The following ADGRL2 variants were observed in gnomAD, a reference collection of about 807,000 sequenced individuals.
ADGRL2 encodes adhesion G protein-coupled receptor L2.
A neutral mutation model predicts 157.4 loss-of-function variants in ADGRL2; 44 were observed. The ratio of observed to expected loss-of-function variants is 0.28; its 90% CI spans 0.22 to 0.36. The LOEUF is 0.36. Among genes scored for constraint, ADGRL2 ranks in the 10% least tolerant of loss-of-function variants. ADGRL2 has a pLI of 1.00. For synonymous variants in ADGRL2, 585 were observed against 624.7 expected, an observed-to-expected ratio of 0.94 and a Z score of 0.95; for missense variants, 1,510 against 1,768.9, an observed-to-expected ratio of 0.85 and a Z score of 2.63.
intron 1 of ADGRL2, among the ~76,000 whole-genome samples, chr1:81,423,299 A>G (rs565096645): frequency 1.3e-5 from 2 of 152,370 alleles, no homozygotes; most frequent in East Asian, 3.9e-4. Flanking sequence ...TTCAGGTCAA[A>G]CTAAAGATAG....
intron 2 of ADGRL2, among the ~76,000 whole-genome samples, chr1:81,496,350 A>G (rs1277379626): frequency 6.6e-6 from 1 of 152,180 alleles, no homozygotes; most frequent in Non-Finnish European, 1.5e-5. Flanking sequence ...GTCAACTGCA[A>G]GTCGCTCTTT....
At chr1:81,903,111 G>C (rs1196957003) in intron 2 of ADGRL2, among the ~76,000 whole-genome samples, 1 of 152,134 alleles carries the variant, frequency 6.6e-6, no homozygotes, top group Non-Finnish European at 1.5e-5. Flanking sequence ...CTTCAGAAAA[G>C]GTTTTAATTA....
intron 2 of ADGRL2, among the ~76,000 whole-genome samples, chr1:81,517,058 G>C (rs1256660776): frequency 6.6e-6 from 1 of 151,996 alleles, no homozygotes; most frequent in Non-Finnish European, 1.5e-5. Context: ...TATTGATTAA[G>C]AATCATATTC....
At chr1:81,637,278 A>C (rs2082133250) in intron 3 of ADGRL2, among the ~76,000 whole-genome samples, 1 of 152,194 alleles carries the variant, frequency 6.6e-6, no homozygotes, top group African/African-American at 2.4e-5. Context: ...GAGGTAAAGG[A>C]ATAGTTATTC....
At chr1:81,655,874 G>A (rs551420153) in intron 3 of ADGRL2, among the ~76,000 whole-genome samples, 1 of 152,206 alleles carries the variant, frequency 6.6e-6, no homozygotes, top group East Asian at 1.9e-4. Context: ...AAACCAGGAG[G>A]ACATTATATT....
chr1:81,420,175 T>C (rs974857186), intron 1 of ADGRL2, among the ~76,000 whole-genome samples: 1 of 152,180 alleles, frequency 6.6e-6, no homozygotes, highest in African/African-American at 2.4e-5. Flanking sequence ...TAGGAAAGGA[T>C]TTTGATAAGC....
intron 1 of ADGRL2, among the ~76,000 whole-genome samples, chr1:81,728,890 G>A (rs1001297572): frequency 6.6e-6 from 1 of 152,042 alleles, no homozygotes; most frequent in Non-Finnish European, 1.5e-5. Flanking sequence ...CTCTTGGGGA[G>A]GTAACTGTCC....
At chr1:81,544,481 G>T (rs528955319) in intron 2 of ADGRL2, among the ~76,000 whole-genome samples, 3 of 151,982 alleles carry the variant, frequency 2.0e-5, no homozygotes, top group Middle Eastern at 3.2e-3. Context: ...TTCCAAACTC[G>T]CTGCCATCAG....
intron 1 of ADGRL2, among the ~76,000 whole-genome samples, chr1:81,381,334 G>A (rs991070442): frequency 3.3e-5 from 5 of 152,120 alleles, no homozygotes; most frequent in Non-Finnish European, 7.4e-5. Flanking sequence ...GAAGATAGTA[G>A]GGATCTTAAT....
At chr1:81,800,055 G>A (rs2087817395), upstream of ADGRL2, among the ~76,000 whole-genome samples, 1 of 152,124 alleles carries the variant, frequency 6.6e-6, no homozygotes, top group African/African-American at 2.4e-5. Context: ...GAGGGGCAAG[G>A]AAGTGTGTTC....
intron 3 of ADGRL2, among the ~76,000 whole-genome samples, chr1:81,633,814 C>G (rs1322441776): frequency 6.6e-6 from 1 of 152,080 alleles, no homozygotes; most frequent in Admixed American, 6.6e-5. Context: ...ACCCGCACTA[C>G]TGCTACAACA....
At chr1:81,850,473 A>G (rs545362453) in intron 2 of ADGRL2, among the ~76,000 whole-genome samples, 1 of 152,064 alleles carries the variant, frequency 6.6e-6, no homozygotes, top group East Asian at 1.9e-4. Flanking sequence ...TCTAAAAGGC[A>G]TGGTGTGAAG....
intron 1 of ADGRL2, among the ~76,000 whole-genome samples, chr1:81,747,155 ATATGTATGTGTG>A (rs1459911562): frequency 1.4e-5 from 2 of 146,550 alleles, no homozygotes; most frequent in African/African-American, 5.0e-5. Flanking sequence ...ATATACGTAT[ATATGTATGTGTG>A]TATATATACA....
At chr1:81,342,566 G>A (rs759262560) in intron 1 of ADGRL2, among the ~76,000 whole-genome samples, 5 of 152,062 alleles carry the variant, frequency 3.3e-5, no homozygotes, top group South Asian at 2.1e-4. Context: ...TTTTAACCAA[G>A]TACCAGTGGA....
intron 1 of ADGRL2, among the ~76,000 whole-genome samples, chr1:81,759,587 A>G (rs1448446446): frequency 1.3e-5 from 2 of 152,112 alleles, no homozygotes; most frequent in Non-Finnish European, 2.9e-5. Context: ...CTAGTCTTTT[A>G]CCAAATACTA....
At chr1:81,574,581 G>A (rs1201601365) in intron 2 of ADGRL2, among the ~76,000 whole-genome samples, 1 of 152,112 alleles carries the variant, frequency 6.6e-6, no homozygotes, top group East Asian at 1.9e-4. Context: ...AGGGCATTCA[G>A]CTGCTGAGTG....
At chr1:81,369,782 G>C (rs2076130719) in intron 1 of ADGRL2, among the ~76,000 whole-genome samples, 1 of 152,170 alleles carries the variant, frequency 6.6e-6, no homozygotes, top group African/African-American at 2.4e-5. Flanking sequence ...TTGAATTTGA[G>C]CATTAATTTG....
chr1:81,377,691 G>C (rs1405592824), intron 1 of ADGRL2, among the ~76,000 whole-genome samples: 1 of 152,078 alleles, frequency 6.6e-6, no homozygotes, highest in Non-Finnish European at 1.5e-5. Context: ...TGGATGATTT[G>C]TGAGAATGTA....
intron 2 of ADGRL2, among the ~76,000 whole-genome samples, chr1:81,779,124 G>A (rs2086711900): frequency 1.3e-5 from 2 of 151,982 alleles, no homozygotes; most frequent in South Asian, 4.1e-4. Context: ...GTACATACAA[G>A]GCCCTAGAGA....
Sources: gnomAD v4.1 joint callset for allele counts (sites outside exome capture counted in the v4.1 genomes callset) on GRCh38, gnomAD v4.1.1 for gene constraint, MANE v1.5 for transcripts, NCBI Gene and HGNC (gene_info 2026-07-23, HGNC 2026-07-21) for gene names.